The following SIPA1L1 variants were observed in gnomAD, a reference collection of about 807,000 sequenced individuals.
SIPA1L1 encodes the protein signal-induced proliferation-associated 1-like protein 1.
A neutral mutation model predicts 162.7 loss-of-function variants in SIPA1L1; 26 were observed. The observed-to-expected ratio is 0.16, with a 90% CI of 0.12 to 0.22. The LOEUF is 0.22. Among genes scored for constraint, SIPA1L1 ranks in the 10% least tolerant of loss-of-function variants. The pLI, the probability that SIPA1L1 is intolerant of heterozygous loss-of-function variation, is 1.00. For synonymous variants in SIPA1L1, 829 were observed against 837.4 expected (o/e 0.99, Z 0.17); for missense variants, 1,874 against 2,241.0 (o/e 0.84, Z 3.31).
rs537622557 is a variant in SIPA1L1, at chr14:71,590,981, C to G, written c.1498+1611C>G. Among the ~76,000 whole-genome samples, 103 of 152,228 alleles carry G rather than the reference C, an allele frequency of 6.8e-4. 1 individual carries two copies. The highest frequency in any genetic ancestry group is 2.4e-3 in the African/African-American group (99 of 41,522). ...TGCCAAATGTCTCTTAAGAGGTAAACTAACCCCTAGCTGAGAACCCCTGCT... is the reference window on the plus strand; with the variant it reads ...TGCCAAATGTCTCTTAAGAGGTAAAGTAACCCCTAGCTGAGAACCCCTGCT... On this transcript the variant is annotated intron_variant, in intron 5 of 23. Coordinates refer to ENST00000381232, the MANE Select transcript of SIPA1L1 (RefSeq NM_001386936.1).
intron 13 of SIPA1L1, among the ~76,000 whole-genome samples, chr14:71,695,566 G>A (rs2149726354): frequency 6.6e-6 from 1 of 152,314 alleles, no homozygotes; most frequent in African/African-American, 2.4e-5. Context: ...TTGGAATTAT[G>A]TTGTAACTTC....
At chr14:71,488,162 G>A (rs892635492) in intron 2 of SIPA1L1, among the ~76,000 whole-genome samples, 2 of 152,186 alleles carry the variant, frequency 1.3e-5, no homozygotes, top group Non-Finnish European at 2.9e-5. Context: ...CGTGGTGGAG[G>A]GGGCCAGAAC....
At chr14:71,624,767 G>A (rs1287381451) in intron 7 of SIPA1L1, among the ~76,000 whole-genome samples, 3 of 152,072 alleles carry the variant, frequency 2.0e-5, no homozygotes, top group Admixed American at 6.6e-5. Flanking sequence ...TGGAACCAGG[G>A]TGCAAACATA....
At chr14:71,705,557 C>T (rs1239619474) in intron 16 of SIPA1L1, among the ~76,000 whole-genome samples, 1 of 152,090 alleles carries the variant, frequency 6.6e-6, no homozygotes, top group African/African-American at 2.4e-5. Flanking sequence ...TTCTGCCACC[C>T]CCACAGGTCT....
chr14:71,351,800 G>C (rs1391195958), intron 2 of SIPA1L1, among the ~76,000 whole-genome samples: 1 of 152,042 alleles, frequency 6.6e-6, no homozygotes, highest in African/African-American at 2.4e-5. Flanking sequence ...GGGCAATGCT[G>C]TATAATTAAT....
At chr14:71,450,160 A>G (rs1226676637) in intron 2 of SIPA1L1, among the ~76,000 whole-genome samples, 1 of 152,066 alleles carries the variant, frequency 6.6e-6, no homozygotes, top group Non-Finnish European at 1.5e-5. Flanking sequence ...TACATTCTTG[A>G]TAGTGTGTTT....
At chr14:71,362,403 A>G (rs1396599086) in intron 2 of SIPA1L1, among the ~76,000 whole-genome samples, 1 of 152,178 alleles carries the variant, frequency 6.6e-6, no homozygotes, top group Non-Finnish European at 1.5e-5. Flanking sequence ...CCACTAAGGT[A>G]TGGCAGTGTT....
intron 2 of SIPA1L1, among the ~76,000 whole-genome samples, chr14:71,440,171 G>A (rs1311402352): frequency 6.6e-6 from 1 of 152,002 alleles, no homozygotes; most frequent in Non-Finnish European, 1.5e-5. Context: ...GACTACAGGC[G>A]TGCATCACCA....
At chr14:71,719,958 T>C (rs1236093090) in intron 17 of SIPA1L1, among the ~76,000 whole-genome samples, 1 of 152,230 alleles carries the variant, frequency 6.6e-6, no homozygotes, top group Non-Finnish European at 1.5e-5. Context: ...ACTGTAAATA[T>C]GTTATCCCCC....
At chr14:71,673,446 C>G (rs2044740019) in intron 12 of SIPA1L1, among the ~76,000 whole-genome samples, 1 of 152,166 alleles carries the variant, frequency 6.6e-6, no homozygotes, top group Admixed American at 6.5e-5. Flanking sequence ...AAAGCCAAGA[C>G]AGTGTTCTGT....
At chr14:71,476,186 T>C (rs1395553518) in intron 2 of SIPA1L1, among the ~76,000 whole-genome samples, 1 of 152,188 alleles carries the variant, frequency 6.6e-6, no homozygotes, top group Non-Finnish European at 1.5e-5. Context: ...TGCTTCCTGT[T>C]GAGGAAATGA....
chr14:71,522,843 C>A (rs2052496085), intron 3 of SIPA1L1, among the ~76,000 whole-genome samples: 1 of 152,076 alleles, frequency 6.6e-6, no homozygotes, highest in African/African-American at 2.4e-5. Context: ...ACAGGCTCCA[C>A]CACCACACCC....
chr14:71,621,855 C>T (rs1255173536), intron 6 of SIPA1L1, among the ~76,000 whole-genome samples: 3 of 152,072 alleles, frequency 2.0e-5, no homozygotes, highest in East Asian at 1.9e-4. Flanking sequence ...CTTCCTTCCT[C>T]CCGCTAATAT....
intron 2 of SIPA1L1, among the ~76,000 whole-genome samples, chr14:71,393,854 G>C (rs1340325094): frequency 6.6e-6 from 1 of 152,172 alleles, no homozygotes; most frequent in Non-Finnish European, 1.5e-5. Flanking sequence ...TCGTAGTTCA[G>C]GTAACACCAG....
intron 2 of SIPA1L1, among the ~76,000 whole-genome samples, chr14:71,349,709 A>T (rs1199507986): frequency 2.0e-5 from 3 of 152,176 alleles, no homozygotes; most frequent in Non-Finnish European, 4.4e-5. Flanking sequence ...TGGGTTTCTA[A>T]TTCCTGTGGG....
chr14:71,734,899 A>G (rs1014578785), intron 21 of SIPA1L1, among the ~76,000 whole-genome samples: 16 of 152,240 alleles, frequency 1.1e-4, no homozygotes, highest in Non-Finnish European at 1.8e-4. Context: ...TGGAAAACAT[A>G]CTTCAAGAAG....
At chr14:71,459,482 A>C (rs2046430875) in intron 2 of SIPA1L1, among the ~76,000 whole-genome samples, 1 of 151,138 alleles carries the variant, frequency 6.6e-6, no homozygotes, top group Non-Finnish European at 1.5e-5. Flanking sequence ...GAGAGAGAGG[A>C]GTTTATTAAG....
At chr14:71,438,661 A>G (rs1190137163) in intron 2 of SIPA1L1, among the ~76,000 whole-genome samples, 1 of 152,240 alleles carries the variant, frequency 6.6e-6, no homozygotes, top group Non-Finnish European at 1.5e-5. Context: ...TTGTTTGTGC[A>G]GAATTCTAGA....
rs2044514205 is a variant in SIPA1L1, at chr14:71,671,563, C to G, written c.2700C>G (p.Ser900=). ...QETKSVVFNC[S]CRDVIGWTST... ...CAAAGAGCGTGGTCTTCAATTGTTC[C>G]TGTAGAGATGTGATAGGGTGGACTT... The change falls in exon 11 of 24, where the codon TCC becomes TCG. Residue 900 remains serine, a synonymous_variant. Coordinates refer to ENST00000381232, the MANE Select transcript of SIPA1L1 (RefSeq NM_001386936.1). 1.9e-6 allele frequency: 3 copies of G among 1,614,172 alleles called. No homozygotes were observed. The highest frequency in any genetic ancestry group is 2.5e-6 in the Non-Finnish European group (3 of 1,180,048).
Sources: gnomAD v4.1 joint callset for allele counts (sites outside exome capture counted in the v4.1 genomes callset) on GRCh38, gnomAD v4.1.1 for gene constraint, MANE v1.5 for transcripts, NCBI Gene and HGNC (gene_info 2026-07-23, HGNC 2026-07-21) for gene names.